CCDC178: variants seen among roughly 807,000 people sequenced by gnomAD.
The protein encoded by CCDC178 is coiled-coil domain containing 178, also known as coiled-coil domain-containing protein 178.
A neutral mutation model predicts 117.4 loss-of-function variants in CCDC178; 126 were observed. The observed-to-expected ratio is 1.07, with a 90% CI of 0.93 to 1.24. The LOEUF is 1.24. Among genes scored for constraint, CCDC178 ranks in the 50% most tolerant of loss-of-function variants. CCDC178 has a pLI of 0.00. For missense variants in CCDC178, 1,030 were observed against 986.9 expected (o/e 1.04, Z -0.59); for synonymous variants, 283 against 313.4 (o/e 0.90, Z 1.02).
At chr18:32,976,912 A>T (rs1434668454) in intron 21 of CCDC178, among the ~76,000 whole-genome samples, 5 of 152,172 alleles carry the variant, frequency 3.3e-5, no homozygotes, top group Non-Finnish European at 7.4e-5. Flanking sequence ...TGAGGTAAAC[A>T]TCCTGAATGA....
chr18:33,090,145 G>A (rs904214967), intron 21 of CCDC178, among the ~76,000 whole-genome samples: 2 of 152,092 alleles, frequency 1.3e-5, no homozygotes, highest in Non-Finnish European at 2.9e-5. Flanking sequence ...TTTGAGACGT[G>A]TATATAAGAT....
At position 33,120,293 on chromosome 18, in the gene CCDC178, C is replaced by A. The variant is rs540661584; in HGVS notation, c.2239-27383G>T. Among the ~76,000 whole-genome samples, 8 of 152,104 alleles carry A rather than the reference C, an allele frequency of 5.3e-5. No individual in the cohort carries two copies. The South Asian group carries it at 1.7e-3, about 32-fold the overall frequency. On this transcript the variant is annotated intron_variant, in intron 20 of 22. Coordinates refer to ENST00000383096, the MANE Select transcript of CCDC178 (RefSeq NM_001105528.4). ...ATTTGGGCTCCTCATCTCTCCCAAT[C>A]AACAAGCAAAAATGAGGGTCATTAT...
At chr18:33,184,598 A>AT (rs2058768527) in intron 20 of CCDC178, among the ~76,000 whole-genome samples, 2 of 152,084 alleles carry the variant, frequency 1.3e-5, no homozygotes, top group African/African-American at 4.8e-5. Flanking sequence ...AAGTTGCTGC[A>AT]GCCAAAGGCA....
At chr18:32,956,932 T>C (rs902050096) in intron 22 of CCDC178, 6 of 152,174 alleles carry the variant, frequency 3.9e-5, no homozygotes, top group African/African-American at 1.4e-4. Flanking sequence ...ATCATTCTTA[T>C]TTAGAATCTT....
chr18:33,080,328 C>A (rs2057277864), intron 21 of CCDC178, among the ~76,000 whole-genome samples: 1 of 152,056 alleles, frequency 6.6e-6, no homozygotes, highest in Non-Finnish European at 1.5e-5. Context: ...ATGTTTAGTA[C>A]CGGTGTGACA....
At chr18:33,072,070 T>C (rs1326087298) in intron 21 of CCDC178, among the ~76,000 whole-genome samples, 2 of 152,088 alleles carry the variant, frequency 1.3e-5, no homozygotes, top group Non-Finnish European at 2.9e-5. Context: ...TTGAAAAAAA[T>C]CTTTTTGTCT....
intron 20 of CCDC178, among the ~76,000 whole-genome samples, chr18:33,109,599 G>GA (rs1285470893): frequency 1.3e-5 from 2 of 151,414 alleles, no homozygotes; most frequent in Middle Eastern, 3.4e-3. Context: ...TGAAAATATA[G>GA]AAAAAATATC....
rs192257572 is a variant in CCDC178, at chr18:33,375,485, G to C, written c.209-5296C>G. 3.0e-4 allele frequency among the ~76,000 whole-genome samples: 45 copies of C among 152,268 alleles called. No homozygotes were observed. The East Asian group carries it at 5.0e-3, about 17-fold the overall frequency. On this transcript the variant is annotated intron_variant, in intron 5 of 22. Coordinates refer to ENST00000383096, the MANE Select transcript of CCDC178 (RefSeq NM_001105528.4). ...CCATCCTGGCATTGAGAGTAAGGAAGGGAGGTCTGGGCCTGCAGAATCCTA... is the reference window on the plus strand; with the variant it reads ...CCATCCTGGCATTGAGAGTAAGGAACGGAGGTCTGGGCCTGCAGAATCCTA...
chr18:33,348,485 C>T (rs1032346303), intron 8 of CCDC178, among the ~76,000 whole-genome samples: 2 of 152,020 alleles, frequency 1.3e-5, no homozygotes, highest in South Asian at 2.1e-4. Context: ...ACTTAATTCA[C>T]ATTAAACTTA....
intron 12 of CCDC178, among the ~76,000 whole-genome samples, chr18:33,272,831 T>C (rs1173293223): frequency 6.6e-6 from 1 of 151,466 alleles, no homozygotes; most frequent in African/African-American, 2.4e-5. Context: ...AAAAATCATT[T>C]GAAATATTTC....
intron 11 of CCDC178, among the ~76,000 whole-genome samples, chr18:33,309,885 T>C (rs1023253527): frequency 6.6e-6 from 1 of 152,124 alleles, no homozygotes. Context: ...GGATCTTATA[T>C]GGTAAATATT....
chr18:33,117,895 T>C (rs1312208280), intron 20 of CCDC178, among the ~76,000 whole-genome samples: 1 of 152,032 alleles, frequency 6.6e-6, no homozygotes, highest in African/African-American at 2.4e-5. Flanking sequence ...TTGACATTTA[T>C]CACAAGACAT....
chr18:33,215,815 G>A (rs2059159075), intron 18 of CCDC178, 120 bp from the exon 19 acceptor site: 3 of 674,124 alleles, frequency 4.5e-6, no homozygotes, highest in Admixed American at 8.2e-5. Flanking sequence ...GGCCACACCT[G>A]ATGGCTCACT....
chr18:33,083,727 AT>A (rs1205762325), intron 21 of CCDC178, among the ~76,000 whole-genome samples: 1 of 152,242 alleles, frequency 6.6e-6, no homozygotes, highest in African/African-American at 2.4e-5. Flanking sequence ...TGGTAAAAAT[AT>A]TAAGTTCATG....
intron 21 of CCDC178, among the ~76,000 whole-genome samples, chr18:33,030,638 AATAGATAG>A (rs933659984): frequency 1.3e-5 from 2 of 151,996 alleles, no homozygotes; most frequent in Non-Finnish European, 2.9e-5. Context: ...ATGATAGATC[AATAGATAG>A]ATAGATGATA....
intron 20 of CCDC178, among the ~76,000 whole-genome samples, chr18:33,106,863 C>T (rs893913254): frequency 2.0e-5 from 3 of 151,586 alleles, no homozygotes; most frequent in African/African-American, 7.3e-5. Flanking sequence ...GTCATCAAAC[C>T]TATAACTGTC....
chr18:33,409,398 T>G (rs1216500886), intron 3 of CCDC178, among the ~76,000 whole-genome samples: 1 of 152,142 alleles, frequency 6.6e-6, no homozygotes, highest in Admixed American at 6.5e-5. Context: ...TTAATTATTT[T>G]TAGAATGGTG....
At chr18:33,261,174 C>A (rs112522674) in intron 14 of CCDC178, among the ~76,000 whole-genome samples, 10,234 of 152,176 alleles carry the variant, frequency 0.067, 512 homozygotes, top group African/African-American at 0.14. Flanking sequence ...AGCTCCGCCT[C>A]CTGGGTTCAC....
chr18:33,119,282 T>G (rs1199565746), intron 20 of CCDC178, among the ~76,000 whole-genome samples: 1 of 152,068 alleles, frequency 6.6e-6, no homozygotes, highest in African/African-American at 2.4e-5. Flanking sequence ...TTTTTGCAAT[T>G]TACTTATCTG....
Sources: gnomAD v4.1 joint callset for allele counts (sites outside exome capture counted in the v4.1 genomes callset) on GRCh38, gnomAD v4.1.1 for gene constraint, MANE v1.5 for transcripts, NCBI Gene and HGNC (gene_info 2026-07-23, HGNC 2026-07-21) for gene names.